Variants in TMEM38B observed in about 807,000 individuals in gnomAD.
The protein encoded by TMEM38B is transmembrane protein 38B, also known as trimeric intracellular cation channel type B.
TMEM38B carries 24 observed loss-of-function variants against 28.7 expected under a neutral mutation model. The ratio of observed to expected loss-of-function variants is 0.84; its 90% confidence interval spans 0.61 to 1.18. The LOEUF (loss-of-function observed/expected upper bound fraction) is 1.18. TMEM38B is among the 50% of genes most tolerant of loss of function. The probability of loss-of-function intolerance (pLI) is 0.00; values close to 1 mark genes in which losing one functional copy is unlikely to be tolerated. For synonymous variants in TMEM38B, 131 were observed against 127.7 expected, an observed-to-expected ratio of 1.03 and a Z score of -0.17; for missense variants, 380 against 350.9, an observed-to-expected ratio of 1.08 and a Z score of -0.66.
rs141884478 is a variant in TMEM38B, at chr9:105,764,522, C to T, written c.661-9343C>T. On this transcript the variant is annotated intron_variant, in intron 5 of 5. Coordinates refer to ENST00000374692, the MANE Select transcript of TMEM38B (RefSeq NM_018112.3). ...ATGAAATACCTAGGAATCCAACTTA[C>T]AAGGGATGTGAAGGACCTCTTCAAG... 8.2e-3 allele frequency among the ~76,000 whole-genome samples: 1,245 copies of T among 152,254 alleles called. 6 individuals carry two copies. The highest frequency in any genetic ancestry group is 8.4e-3 in the African/African-American group (350 of 41,542).
chr9:105,706,537 A>G (rs867716903), intron 2 of TMEM38B, among the ~76,000 whole-genome samples: 47 of 152,250 alleles, frequency 3.1e-4, no homozygotes, highest in Non-Finnish European at 4.7e-4. Context: ...GTAGTTAATC[A>G]TATAGTGCAT....
intron 5 of TMEM38B, among the ~76,000 whole-genome samples, chr9:105,748,452 A>G (rs1234710127): frequency 6.6e-6 from 1 of 151,664 alleles, no homozygotes; most frequent in Non-Finnish European, 1.5e-5. Context: ...AGTAGTGGAA[A>G]TAGCCAAGGC....
chr9:105,765,505 C>A (rs929152123), intron 5 of TMEM38B, among the ~76,000 whole-genome samples: 25 of 152,058 alleles, frequency 1.6e-4, no homozygotes, highest in Non-Finnish European at 3.5e-4. Context: ...CTAGTAAATC[C>A]CAGCCACTAC....
At chr9:105,737,335 C>T (rs770624855) in intron 4 of TMEM38B, among the ~76,000 whole-genome samples, 13 of 138,076 alleles carry the variant, frequency 9.4e-5, no homozygotes, top group East Asian at 5.0e-4. Context: ...AGGCCTGAGT[C>T]GCAGGGAGTA....
intron 4 of TMEM38B, among the ~76,000 whole-genome samples, chr9:105,736,062 T>C (rs1160933779): frequency 6.6e-6 from 1 of 151,720 alleles, no homozygotes; most frequent in South Asian, 2.1e-4. Flanking sequence ...TTTGTTTTTT[T>C]TTTTTTTGGT....
chr9:105,722,759 G>C (rs1201056499), intron 4 of TMEM38B, 138 bp downstream of exon 4: 1 of 603,772 alleles, frequency 1.7e-6, no homozygotes, highest in Admixed American at 3.6e-5. Context: ...AATGGGAAGA[G>C]AACTAGCAAA....
At chr9:105,731,517 T>C (rs1836747035) in intron 4 of TMEM38B, among the ~76,000 whole-genome samples, 1 of 152,132 alleles carries the variant, frequency 6.6e-6, no homozygotes, top group Admixed American at 6.6e-5. Flanking sequence ...CCAAGTGTTC[T>C]CATTGTTCAA....
intron 1 of TMEM38B, among the ~76,000 whole-genome samples, chr9:105,697,006 G>A (rs1440461777): frequency 6.6e-6 from 1 of 152,184 alleles, no homozygotes; most frequent in Non-Finnish European, 1.5e-5. Flanking sequence ...ATTGATACTT[G>A]TAGCCAACAT....
chr9:105,705,748 A>C lies in TMEM38B; in HGVS notation c.264A>C (p.Ser88=), dbSNP rs1287170681. The part of the protein sequence containing the change: ...ANHTNILLAS[S]IWYITFFCPH... ...ACACTAACATATTACTGGCATCTTC[A>C]ATCTGGTAAGCTGCCAGTATGGTGA... is the stretch of plus-strand genomic sequence containing the variant. The change falls in exon 2 of 6, where the codon TCA becomes TCC. Residue 88 remains serine (S), a synonymous_variant. Transcript: ENST00000374692. 1 of 1,612,612 alleles carries C rather than the reference A, an allele frequency of 6.2e-7. No homozygotes were observed.
chr9:105,698,236 T>C (rs893040716), intron 1 of TMEM38B, among the ~76,000 whole-genome samples: 1 of 152,128 alleles, frequency 6.6e-6, no homozygotes, highest in Non-Finnish European at 1.5e-5. Context: ...TAGCCTCTTA[T>C]ATATTAAAGA....
At chr9:105,771,999 T>C (rs1826559994) in intron 5 of TMEM38B, among the ~76,000 whole-genome samples, 1 of 152,220 alleles carries the variant, frequency 6.6e-6, no homozygotes, top group South Asian at 2.1e-4. Context: ...TTTAATCATA[T>C]TGTTAGTTTT....
chr9:105,742,691 C>T (rs1719605941), intron 4 of TMEM38B, among the ~76,000 whole-genome samples: 1 of 152,250 alleles, frequency 6.6e-6, no homozygotes, highest in East Asian at 1.9e-4. Context: ...AGACTCAACC[C>T]TTAAGAGAAT....
chr9:105,750,359 C>A (rs1020120881), intron 5 of TMEM38B, among the ~76,000 whole-genome samples: 3 of 152,028 alleles, frequency 2.0e-5, no homozygotes, highest in Non-Finnish European at 4.4e-5. Flanking sequence ...CACAGTGGCT[C>A]ACACCTATAA....
At chr9:105,710,656 G>A in intron 2 of TMEM38B, 1 of 723,030 alleles carries the variant, frequency 1.4e-6, no homozygotes, top group Non-Finnish European at 2.6e-6. Context: ...GAAATCAAGT[G>A]GAACATACAC....
intron 2 of TMEM38B, among the ~76,000 whole-genome samples, chr9:105,716,116 G>A (rs1308060833): frequency 6.6e-6 from 1 of 152,028 alleles, no homozygotes; most frequent in African/African-American, 2.4e-5. Context: ...GGCTTGGTGT[G>A]GACCTTTTCT....
chr9:105,749,834 T>A (rs1837580028), intron 5 of TMEM38B, among the ~76,000 whole-genome samples: 1 of 152,232 alleles, frequency 6.6e-6, no homozygotes, highest in Admixed American at 6.5e-5. Context: ...AACATTCATG[T>A]AAAAATTTTT....
chr9:105,705,581 T>A lies in TMEM38B; in HGVS notation c.113-16T>A, dbSNP rs781082741. On this transcript the variant is annotated splice_polypyrimidine_tract_variant and intron_variant, in intron 1 of 5. Transcript: ENST00000374692. ...TGTATAATGATCACAGACCATATTT[T>A]ACTTTACCATTTCAGGAGCAGCTGC... 6.2e-7 allele frequency: 1 copy of A among 1,607,948 alleles called. No individual in the cohort carries two copies. Among genetic ancestry groups the A allele is most frequent in the East Asian group, 2.2e-5 (1 of 44,730 alleles).
At chr9:105,763,916 G>A (rs904793724) in intron 5 of TMEM38B, among the ~76,000 whole-genome samples, 53 of 150,712 alleles carry the variant, frequency 3.5e-4, no homozygotes, top group Non-Finnish European at 5.7e-4. Flanking sequence ...GGGATGCAAG[G>A]CTGGTTCAAT....
At chr9:105,717,408 G>A (rs191655727) in intron 2 of TMEM38B, among the ~76,000 whole-genome samples, 9 of 128,334 alleles carry the variant, frequency 7.0e-5, no homozygotes, top group Admixed American at 4.6e-4. Context: ...ACAGATATGT[G>A]CAAGAATGTT....
Sources: allele counts gnomAD v4.1 joint callset (sites outside exome capture counted in the v4.1 genomes callset), GRCh38; gene constraint gnomAD v4.1.1; transcripts MANE v1.5; gene names NCBI Gene and HGNC (gene_info 2026-07-23, HGNC 2026-07-21).